ROBO2: variants seen among roughly 807,000 people sequenced by gnomAD.
ROBO2 encodes the protein roundabout homolog 2.
Under a neutral mutation model 160.8 loss-of-function variants are expected in ROBO2, and 53 were observed. The observed-to-expected ratio is 0.33, with a 90% CI of 0.26 to 0.41. The LOEUF (loss-of-function observed/expected upper bound fraction) is 0.41. Among genes scored for constraint, ROBO2 ranks in the 10% least tolerant of loss-of-function variants. The pLI, the probability that ROBO2 is intolerant of heterozygous loss-of-function variation, is 1.00. For missense variants in ROBO2, 1,577 were observed against 1,722.4 expected, an observed-to-expected ratio of 0.92 and a Z score of 1.49; for synonymous variants, 664 against 611.7, an observed-to-expected ratio of 1.09 and a Z score of -1.26.
At chr3:76,610,785 G>C (rs1215630738) in intron 2 of ROBO2, among the ~76,000 whole-genome samples, 1 of 152,158 alleles carries the variant, frequency 6.6e-6, no homozygotes, top group Admixed American at 6.5e-5. Flanking sequence ...GCGAGCAGGA[G>C]CATGTCACAG....
chr3:76,862,857 C>G (rs1235113216), intron 2 of ROBO2, among the ~76,000 whole-genome samples: 2 of 152,062 alleles, frequency 1.3e-5, no homozygotes, highest in Non-Finnish European at 2.9e-5. Context: ...TATCTACTAT[C>G]TTGTCAATTA....
At chr3:77,346,264 A>G (rs2067620355) in intron 2 of ROBO2, among the ~76,000 whole-genome samples, 1 of 152,128 alleles carries the variant, frequency 6.6e-6, no homozygotes, top group African/African-American at 2.4e-5. Context: ...AAACAAATGT[A>G]AGTCATGCTT....
At chr3:75,942,815 T>C (rs945053408) in intron 2 of ROBO2, among the ~76,000 whole-genome samples, 11 of 152,180 alleles carry the variant, frequency 7.2e-5, no homozygotes, top group African/African-American at 2.7e-4. Context: ...GATTTCCTTG[T>C]CTTCAAAATT....
intron 23 of ROBO2, chr3:77,629,329 A>G (rs569050169): frequency 6.6e-6 from 1 of 152,280 alleles, no homozygotes; most frequent in East Asian, 1.9e-4. Context: ...GTCAATAGCT[A>G]CACCACAGTC....
chr3:77,532,824 G>C (rs1163414304), intron 6 of ROBO2, among the ~76,000 whole-genome samples: 1 of 151,704 alleles, frequency 6.6e-6, no homozygotes, highest in Non-Finnish European at 1.5e-5. Context: ...TTAAAAGAGA[G>C]ATTTCATTGT....
intron 2 of ROBO2, among the ~76,000 whole-genome samples, chr3:76,105,715 C>G (rs1019726544): frequency 6.6e-6 from 1 of 151,980 alleles, no homozygotes; most frequent in Non-Finnish European, 1.5e-5. Flanking sequence ...GGAGAGAACA[C>G]TTGCAGACCT....
intron 2 of ROBO2, among the ~76,000 whole-genome samples, chr3:76,430,416 A>T (rs531747661): frequency 3.9e-5 from 6 of 152,294 alleles, no homozygotes; most frequent in South Asian, 4.2e-4. Flanking sequence ...AGTATCTCAC[A>T]AATGCCAGCT....
chr3:76,393,934 G>A (rs970048690), intron 2 of ROBO2, among the ~76,000 whole-genome samples: 2 of 152,144 alleles, frequency 1.3e-5, no homozygotes, highest in African/African-American at 4.8e-5. Context: ...TGGATGAGGG[G>A]TGTAGAGGGA....
chr3:77,173,369 A>G (rs1002686771), intron 2 of ROBO2, among the ~76,000 whole-genome samples: 2 of 125,086 alleles, frequency 1.6e-5, no homozygotes, highest in African/African-American at 5.5e-5. Context: ...CCCACATTAT[A>G]ATTTTTTTTC....
intron 1 of ROBO2, among the ~76,000 whole-genome samples, chr3:75,933,280 C>T (rs1383994169): frequency 1.3e-5 from 2 of 152,130 alleles, no homozygotes; most frequent in East Asian, 3.9e-4. Context: ...CTGTAATATG[C>T]TAAGAAGAGG....
At chr3:77,076,080 GA>G (rs1464441007) in intron 1 of ROBO2, among the ~76,000 whole-genome samples, 2 of 151,984 alleles carry the variant, frequency 1.3e-5, no homozygotes, top group Admixed American at 6.6e-5. Flanking sequence ...AAAAAAAAAG[GA>G]AAAACACAAA....
chr3:76,260,736 C>T (rs1352647605), intron 2 of ROBO2, among the ~76,000 whole-genome samples: 1 of 152,018 alleles, frequency 6.6e-6, no homozygotes, highest in Admixed American at 6.6e-5. Flanking sequence ...AGTTCAAAAA[C>T]AATTTCAAAG....
At chr3:77,441,530 C>T (rs1043856184) in intron 2 of ROBO2, among the ~76,000 whole-genome samples, 8 of 151,756 alleles carry the variant, frequency 5.3e-5, no homozygotes, top group African/African-American at 1.2e-4. Flanking sequence ...ATTGAAAATA[C>T]GAGATATGAA....
Position 77,308,463 on chromosome 3 carries a change from C to A in ROBO2, c.389-168951C>A, listed in dbSNP as rs535560939. Among the ~76,000 whole-genome samples, 9 of 152,150 alleles carry A rather than the reference C, an allele frequency of 5.9e-5. No individual in the cohort carries two copies. The South Asian group carries it at 1.2e-3, about 21-fold the overall frequency. ...TTCCTAAGTGGCCTGGGACTCCCAA[C>A]GTTGTGTCAGTGACGCTGGATATAT... On this transcript the variant is annotated intron_variant, in intron 2 of 25. Transcript: ENST00000461745.
rs996632844 is a variant in ROBO2, at chr3:77,139,225, T to TA, written c.388+40893dup. Among the ~76,000 whole-genome samples, 20 of 152,080 alleles carry TA rather than the reference T, an allele frequency of 1.3e-4. 1 individual carries two copies. The South Asian group carries it at 2.1e-3, about 16-fold the overall frequency. Reference sequence around the variant, plus strand: ...ACAAACTGCTTCCAAATTCCCTGATTAAAAAAAATTGAAAAATTTTATTTT... The same window carrying TA: ...ACAAACTGCTTCCAAATTCCCTGATTAAAAAAAAATTGAAAAATTTTATTTT... On this transcript the variant is annotated intron_variant, in intron 2 of 25. Coordinates refer to ENST00000461745, the Ensembl canonical transcript of ROBO2.
At chr3:75,999,767 T>C (rs1260886382) in intron 2 of ROBO2, among the ~76,000 whole-genome samples, 1 of 152,178 alleles carries the variant, frequency 6.6e-6, no homozygotes, top group South Asian at 2.1e-4. Flanking sequence ...AAGTTTTCTT[T>C]TGAGATCATA....
intron 2 of ROBO2, among the ~76,000 whole-genome samples, chr3:77,203,650 T>C (rs2151034971): frequency 6.6e-6 from 1 of 152,340 alleles, no homozygotes; most frequent in Non-Finnish European, 1.5e-5. Flanking sequence ...TTTTCGTCCC[T>C]TATACTACTT....
At chr3:77,617,798 G>A (rs1420469261) in intron 22 of ROBO2, 25 bp downstream of exon 23, 26 of 1,609,852 alleles carry the variant, frequency 1.6e-5, no homozygotes, top group Non-Finnish European at 2.2e-5. Flanking sequence ...TAAGTCAAGA[G>A]ACCCATGCTT....
chr3:76,491,104 C>A (rs923828818), intron 2 of ROBO2, among the ~76,000 whole-genome samples: 1 of 151,912 alleles, frequency 6.6e-6, no homozygotes, highest in Non-Finnish European at 1.5e-5. Flanking sequence ...GGATTACAGG[C>A]GTGTGTCAGC....
Sources: gnomAD v4.1 joint callset for allele counts (sites outside exome capture counted in the v4.1 genomes callset) on GRCh38, gnomAD v4.1.1 for gene constraint, MANE v1.5 for transcripts, NCBI Gene and HGNC (gene_info 2026-07-23, HGNC 2026-07-21) for gene names.